Variants in ZBTB20 observed in about 807,000 individuals in gnomAD.
ZBTB20 encodes zinc finger and BTB domain containing 20.
In ZBTB20, 9 loss-of-function variants were observed where a neutral mutation model predicts 56.9. The observed-to-expected ratio is 0.16, with a 90% CI of 0.10 to 0.28. The LOEUF (loss-of-function observed/expected upper bound fraction) is 0.28, where lower values mean the gene tolerates loss of function less well. Ranked by LOEUF, ZBTB20 falls within the 10% of genes least tolerant of loss-of-function variation. The probability of loss-of-function intolerance (pLI) is 1.00; values close to 1 mark genes in which losing one functional copy is unlikely to be tolerated. For missense variants in ZBTB20, 655 were observed against 1,003.0 expected, an observed-to-expected ratio of 0.65 and a Z score of 4.69; for synonymous variants, 417 against 420.7, an observed-to-expected ratio of 0.99 and a Z score of 0.11.
chr3:115,114,622 A>T (rs1428080951), intron 1 of ZBTB20, among the ~76,000 whole-genome samples: 1 of 152,156 alleles, frequency 6.6e-6, no homozygotes, highest in Non-Finnish European at 1.5e-5. Flanking sequence ...AAATATGCCA[A>T]TATATTTTTG....
At chr3:114,429,772 A>G (rs958975787) in intron 7 of ZBTB20, among the ~76,000 whole-genome samples, 2 of 152,266 alleles carry the variant, frequency 1.3e-5, no homozygotes, top group African/African-American at 4.8e-5. Flanking sequence ...ACAGTGCAGT[A>G]TAACAGCTAT....
chr3:114,569,340 G>A (rs1454740621), intron 6 of ZBTB20, among the ~76,000 whole-genome samples: 1 of 152,206 alleles, frequency 6.6e-6, no homozygotes, highest in African/African-American at 2.4e-5. Context: ...GGTCACAAAG[G>A]CAGCATGACA....
intron 6 of ZBTB20, among the ~76,000 whole-genome samples, chr3:114,537,682 C>T (rs1348489471): frequency 1.3e-5 from 2 of 152,108 alleles, no homozygotes; most frequent in Non-Finnish European, 2.9e-5. Flanking sequence ...AAGACACATG[C>T]ACATGTATGT....
At chr3:114,681,898 G>T (rs1362244564) in intron 6 of ZBTB20, among the ~76,000 whole-genome samples, 1 of 152,136 alleles carries the variant, frequency 6.6e-6, no homozygotes, top group Non-Finnish European at 1.5e-5. Context: ...TGCTTCATTA[G>T]GTTGAAAGGT....
intron 3 of ZBTB20, among the ~76,000 whole-genome samples, chr3:114,954,269 GA>G (rs1368325969): frequency 6.6e-6 from 1 of 152,006 alleles, no homozygotes; most frequent in Non-Finnish European, 1.5e-5. Flanking sequence ...ACTTGCTTAG[GA>G]AAATAATCAA....
chr3:115,009,484 C>T (rs543099866), intron 2 of ZBTB20, among the ~76,000 whole-genome samples: 1 of 152,014 alleles, frequency 6.6e-6, no homozygotes, highest in Admixed American at 6.6e-5. Context: ...CGTTCTATCA[C>T]ATTATTAGTC....
At chr3:114,915,231 A>G (rs2107728193) in intron 3 of ZBTB20, among the ~76,000 whole-genome samples, 1 of 151,956 alleles carries the variant, frequency 6.6e-6, no homozygotes, top group African/African-American at 2.4e-5. Flanking sequence ...ACTTTTTATT[A>G]CAGCTACCAT....
intron 4 of ZBTB20, among the ~76,000 whole-genome samples, chr3:114,818,584 T>C (rs6438224): frequency 0.13 from 19,559 of 151,948 alleles, 1,563 homozygotes; most frequent in African/African-American, 0.22. Flanking sequence ...TGAGTTACAA[T>C]TGGACAATAT....
At chr3:114,440,270 G>C (rs2090823265) in intron 7 of ZBTB20, among the ~76,000 whole-genome samples, 1 of 151,962 alleles carries the variant, frequency 6.6e-6, no homozygotes, top group African/African-American at 2.4e-5. Context: ...AGGATAGATG[G>C]TTTTCTATTT....
At chr3:114,401,308 A>G (rs1317563025) in intron 7 of ZBTB20, among the ~76,000 whole-genome samples, 2 of 152,158 alleles carry the variant, frequency 1.3e-5, no homozygotes, top group African/African-American at 4.8e-5. Context: ...TCTTTAAAGT[A>G]TTTGAAAGTA....
chr3:114,448,789 T>C (rs1025138471), intron 7 of ZBTB20, among the ~76,000 whole-genome samples: 3 of 152,160 alleles, frequency 2.0e-5, no homozygotes, highest in Non-Finnish European at 2.9e-5. Flanking sequence ...ATATATATAA[T>C]TGGATGAAAG....
chr3:114,854,472 C>T (rs1444282790), intron 4 of ZBTB20, among the ~76,000 whole-genome samples: 1 of 152,154 alleles, frequency 6.6e-6, no homozygotes, highest in Admixed American at 6.6e-5. Context: ...TTCCCGCCTC[C>T]TCTTCTCCAG....
chr3:114,717,085 C>G (rs2064534892), intron 5 of ZBTB20, among the ~76,000 whole-genome samples: 1 of 152,086 alleles, frequency 6.6e-6, no homozygotes, highest in Non-Finnish European at 1.5e-5. Context: ...TGCCTGCACA[C>G]TGTGTGGTTT....
intron 1 of ZBTB20, among the ~76,000 whole-genome samples, chr3:115,122,850 T>C (rs10511341): frequency 0.094 from 14,253 of 152,060 alleles, 1,981 homozygotes; most frequent in African/African-American, 0.3. Flanking sequence ...CATAGCTATA[T>C]CATTTACCAA....
chr3:114,561,183 T>C (rs2051998672), intron 6 of ZBTB20, among the ~76,000 whole-genome samples: 1 of 152,224 alleles, frequency 6.6e-6, no homozygotes, highest in East Asian at 1.9e-4. Context: ...CATCACATTA[T>C]GTACAGTTAC....
chr3:115,089,666 T>C (rs1404626245), intron 1 of ZBTB20, among the ~76,000 whole-genome samples: 1 of 151,836 alleles, frequency 6.6e-6, no homozygotes, highest in African/African-American at 2.4e-5. Flanking sequence ...GCTTTGACTC[T>C]TAGCAGCTGT....
At position 114,936,401 on chromosome 3, in the gene ZBTB20, T is replaced by A. The variant is rs927347908; in HGVS notation, c.-455-36059A>T. Among the ~76,000 whole-genome samples, 3 of 152,264 alleles carry A rather than the reference T, an allele frequency of 2.0e-5. No homozygotes were observed. The East Asian group carries it at 5.8e-4, about 29-fold the overall frequency. ...TGCTGCTGGCAAATCATAAATACCA[T>A]CCAGGGTTTTAGTTTAGCCTGAGTA... On this transcript the variant is annotated intron_variant, in intron 3 of 11. Transcript: ENST00000675478.
chr3:114,698,424 G>A (rs2063187925), intron 5 of ZBTB20, among the ~76,000 whole-genome samples: 1 of 151,982 alleles, frequency 6.6e-6, no homozygotes, highest in Non-Finnish European at 1.5e-5. Flanking sequence ...TGTTTGGGTG[G>A]AATGCCTGTA....
chr3:114,815,732 AACACGC>A (rs921915379), intron 4 of ZBTB20, among the ~76,000 whole-genome samples: 1 of 152,006 alleles, frequency 6.6e-6, no homozygotes, highest in East Asian at 1.9e-4. Flanking sequence ...ACACACACAA[AACACGC>A]ACACGCACAC....
Sources: allele counts gnomAD v4.1 joint callset (sites outside exome capture counted in the v4.1 genomes callset), GRCh38; gene constraint gnomAD v4.1.1; transcripts MANE v1.5; gene names NCBI Gene and HGNC (gene_info 2026-07-23, HGNC 2026-07-21).